The following RABGAP1L variants were observed in gnomAD, a reference collection of about 807,000 sequenced individuals.
The protein encoded by RABGAP1L is rab GTPase-activating protein 1-like.
Under a neutral mutation model 137.7 loss-of-function variants are expected in RABGAP1L, and 63 were observed. The observed-to-expected ratio is 0.46, with a 90% CI of 0.37 to 0.56. The LOEUF (loss-of-function observed/expected upper bound fraction) is 0.56. RABGAP1L is among the 20% of genes least tolerant of loss of function. RABGAP1L has a pLI of 0.00. For synonymous variants in RABGAP1L, 431 were observed against 433.7 expected, an observed-to-expected ratio of 0.99 and a Z score of 0.08; for missense variants, 1,095 against 1,244.0, an observed-to-expected ratio of 0.88 and a Z score of 1.80.
chr1:174,353,827 CT>C (rs1403812532), intron 11 of RABGAP1L, among the ~76,000 whole-genome samples: 3 of 152,216 alleles, frequency 2.0e-5, no homozygotes, highest in African/African-American at 7.2e-5. Flanking sequence ...TCAAGACCAT[CT>C]TTTTTCCTCA....
chr1:174,614,124 T>G (rs1208564219), intron 13 of RABGAP1L, among the ~76,000 whole-genome samples: 1 of 151,496 alleles, frequency 6.6e-6, no homozygotes, highest in Non-Finnish European at 1.5e-5. Context: ...TGATTTTGCT[T>G]GTTAGTTGAT....
intron 13 of RABGAP1L, among the ~76,000 whole-genome samples, chr1:174,489,265 T>G (rs1227633718): frequency 6.6e-6 from 1 of 152,084 alleles, no homozygotes; most frequent in Non-Finnish European, 1.5e-5. Context: ...GAGAAAATTT[T>G]TGCAATCTAC....
intron 1 of RABGAP1L, among the ~76,000 whole-genome samples, chr1:174,162,379 T>C (rs1354102444): frequency 1.3e-5 from 2 of 152,214 alleles, no homozygotes; most frequent in African/African-American, 2.4e-5. Context: ...ATCCATGCTT[T>C]TGGAGTAATC....
At chr1:174,217,729 A>G (rs1381160964) in intron 1 of RABGAP1L, among the ~76,000 whole-genome samples, 3 of 152,164 alleles carry the variant, frequency 2.0e-5, no homozygotes, top group Non-Finnish European at 4.4e-5. Context: ...GAAATAAATG[A>G]TGGCTAGCTA....
At chr1:174,974,196 T>G (rs1670443060) in intron 21 of RABGAP1L, among the ~76,000 whole-genome samples, 1 of 151,832 alleles carries the variant, frequency 6.6e-6, no homozygotes, top group South Asian at 2.1e-4. Context: ...TTCACCGTGT[T>G]AGCCAGGATG....
At chr1:174,858,405 T>C (rs947787230) in intron 19 of RABGAP1L, among the ~76,000 whole-genome samples, 3 of 152,186 alleles carry the variant, frequency 2.0e-5, no homozygotes, top group Non-Finnish European at 4.4e-5. Context: ...GAAGATATTT[T>C]GGTTGCCATA....
chr1:174,620,426 C>T (rs1403339847), intron 13 of RABGAP1L, among the ~76,000 whole-genome samples: 7 of 152,162 alleles, frequency 4.6e-5, no homozygotes, highest in Non-Finnish European at 1.0e-4. Flanking sequence ...GAAATTATAA[C>T]AAACTGTCTC....
chr1:174,988,178 G>T (rs977888630), intron 24 of RABGAP1L, among the ~76,000 whole-genome samples: 1 of 152,184 alleles, frequency 6.6e-6, no homozygotes, highest in Admixed American at 6.5e-5. Context: ...GTGCTTTGTT[G>T]CAAGGGTAGA....
chr1:174,507,095 G>C (rs555184312), intron 13 of RABGAP1L, among the ~76,000 whole-genome samples: 8 of 152,238 alleles, frequency 5.3e-5, no homozygotes, highest in African/African-American at 1.9e-4. Flanking sequence ...AATTTAAAAA[G>C]AATTTAAGGA....
chr1:174,559,092 T>G (rs949442949), intron 13 of RABGAP1L, among the ~76,000 whole-genome samples: 1 of 152,224 alleles, frequency 6.6e-6, no homozygotes. Context: ...AGTCATCCTT[T>G]CCAAGCTATG....
intron 14 of RABGAP1L, among the ~76,000 whole-genome samples, chr1:174,665,334 GCCTT>G (rs201028292): frequency 2.0e-5 from 3 of 151,638 alleles, no homozygotes; most frequent in South Asian, 2.1e-4. Context: ...CTGCCTGCCT[GCCTT>G]CCTTCCTTCC....
chr1:174,181,672 G>A (rs1666382001), intron 1 of RABGAP1L, among the ~76,000 whole-genome samples: 2 of 152,230 alleles, frequency 1.3e-5, no homozygotes, highest in African/African-American at 4.8e-5. Flanking sequence ...GTGGATTTTG[G>A]TATCCATGGG....
chr1:174,211,521 T>A (rs1428654645), intron 1 of RABGAP1L, among the ~76,000 whole-genome samples: 1 of 152,084 alleles, frequency 6.6e-6, no homozygotes, highest in African/African-American at 2.4e-5. Context: ...AGAAATTAAA[T>A]CATGCCATCA....
chr1:174,681,900 T>C (rs1678091458), intron 14 of RABGAP1L, among the ~76,000 whole-genome samples: 1 of 152,188 alleles, frequency 6.6e-6, no homozygotes, highest in Admixed American at 6.5e-5. Flanking sequence ...ATCTCCTCAC[T>C]AAAATGAAGT....
intron 13 of RABGAP1L, among the ~76,000 whole-genome samples, chr1:174,466,890 T>C (rs1343797068): frequency 6.6e-6 from 1 of 152,238 alleles, no homozygotes; most frequent in Non-Finnish European, 1.5e-5. Flanking sequence ...ATACTGGGCA[T>C]GTTACCTAAC....
At chr1:174,413,832 T>C (rs1650225322) in intron 13 of RABGAP1L, among the ~76,000 whole-genome samples, 1 of 152,122 alleles carries the variant, frequency 6.6e-6, no homozygotes. Flanking sequence ...GTTGGGTATA[T>C]ACTTGATTCT....
intron 1 of RABGAP1L, among the ~76,000 whole-genome samples, chr1:174,184,195 A>G (rs1356314847): frequency 1.7e-4 from 26 of 152,040 alleles, no homozygotes; most frequent in Admixed American, 1.7e-3. Flanking sequence ...AGTAAAATGC[A>G]TTTACTGTTC....
rs950868689 is a variant in RABGAP1L, at chr1:174,543,770, G to A, written c.1711-93605G>A. Among the ~76,000 whole-genome samples the A allele has an allele frequency of 4.6e-5, 7 of 152,172 alleles. 1 individual carries two copies. Among genetic ancestry groups the A allele is most frequent in the African/African-American group, 1.2e-4 (5 of 41,432 alleles). ...TCCATGTTTAGTGCTTCCTTCAGGA[G>A]CTCTTGTAAGGCAGGCCTGGTGGTG... On this transcript the variant is annotated intron_variant, in intron 13 of 25. Coordinates refer to ENST00000681986, the MANE Select transcript of RABGAP1L (RefSeq NM_001366446.1).
chr1:174,609,582 C>G (rs185697897), intron 13 of RABGAP1L, among the ~76,000 whole-genome samples: 233 of 152,190 alleles, frequency 1.5e-3, no homozygotes, highest in African/African-American at 5.3e-3. Context: ...CACTATAATC[C>G]AGAGGTACAC....
Sources: allele counts gnomAD v4.1 joint callset (sites outside exome capture counted in the v4.1 genomes callset), GRCh38; gene constraint gnomAD v4.1.1; transcripts MANE v1.5; gene names NCBI Gene and HGNC (gene_info 2026-07-23, HGNC 2026-07-21).